Variants in TBC1D7 observed in about 807,000 individuals in gnomAD.
TBC1D7 encodes TBC domain family 7.
TBC1D7 carries 33 observed loss-of-function variants against 35.3 expected under a neutral mutation model. The observed-to-expected ratio is 0.93, with a 90% CI of 0.71 to 1.25. The LOEUF is 1.25. Ranked by LOEUF, TBC1D7 falls within the 50% of genes most tolerant of loss-of-function variation. The pLI, the probability that TBC1D7 is intolerant of heterozygous loss-of-function variation, is 0.00. For missense variants in TBC1D7, 362 were observed against 365.3 expected (o/e 0.99, Z 0.07); for synonymous variants, 135 against 129.5 (o/e 1.04, Z -0.29).
intron 4 of TBC1D7, among the ~76,000 whole-genome samples, chr6:13,317,168 A>G (rs1459880957): frequency 6.6e-6 from 1 of 152,230 alleles, no homozygotes; most frequent in Non-Finnish European, 1.5e-5. Flanking sequence ...TTTATTTCAA[A>G]GCATTCACGC....
intron 3 of TBC1D7, among the ~76,000 whole-genome samples, chr6:13,324,364 G>A (rs1784268231): frequency 6.6e-6 from 1 of 152,102 alleles, no homozygotes; most frequent in South Asian, 2.1e-4. Context: ...TCCTGACTGC[G>A]TGATCTGCCC....
intron 4 of TBC1D7, among the ~76,000 whole-genome samples, chr6:13,317,857 G>C (rs1465676370): frequency 6.6e-6 from 1 of 152,234 alleles, no homozygotes; most frequent in Non-Finnish European, 1.5e-5. Context: ...GGCAGAGTGG[G>C]CGCTAAGTAG....
At chr6:13,326,148 G>A (rs1784389813) in intron 2 of TBC1D7, among the ~76,000 whole-genome samples, 1 of 152,146 alleles carries the variant, frequency 6.6e-6, no homozygotes, top group Admixed American at 6.5e-5. Context: ...AATATACAAT[G>A]CACTCTTAGT....
In TBC1D7 at chr6:13,306,410, C is replaced by CT. The variant is rs762613362; in HGVS notation, c.782dup (p.Phe262ValfsTer19). On this transcript the variant is annotated frameshift_variant, in exon 7 of 8. Coordinates refer to ENST00000379300, the MANE Select transcript of TBC1D7 (RefSeq NM_016495.6). LOFTEE classifies it high-confidence loss of function. ...AAAGCACACTTACATTTTCCAGAAACTTTGTTATCTTCTCTGCACTGTTCA... is the reference window on the plus strand; with the variant it reads ...AAAGCACACTTACATTTTCCAGAAACTTTTGTTATCTTCTCTGCACTGTTCA... 2 of 1,582,064 alleles carry CT rather than the reference C, an allele frequency of 1.3e-6. No homozygotes were observed. Among genetic ancestry groups the CT allele is most frequent in the East Asian group, 2.3e-5 (1 of 42,978 alleles).
At position 13,307,733 on chromosome 6, in the gene TBC1D7, C is replaced by T. The variant is rs1782907743; in HGVS notation, c.532G>A (p.Glu178Lys). 1 of 1,613,564 alleles carries T rather than the reference C, an allele frequency of 6.2e-7. No homozygotes were observed. The highest frequency in any genetic ancestry group is 8.5e-7 in the Non-Finnish European group (1 of 1,179,784). Residue 178 changes from glutamate to lysine, a missense_variant, in exon 6 of 8, where the codon GAA becomes AAA. Coordinates refer to ENST00000379300, the MANE Select transcript of TBC1D7 (RefSeq NM_016495.6). ...CCATCTTCCAGATTCAAGTATTGTTCAAACGCTTTTGGCTAAAGATTAAGC... is the reference window on the plus strand; with the variant it reads ...CCATCTTCCAGATTCAAGTATTGTTTAAACGCTTTTGGCTAAAGATTAAGC... Reference protein sequence around the residue: ...DSLPQLPKAFEQYLNLEDGRL... With the variant: ...DSLPQLPKAFKQYLNLEDGRL...
chr6:13,317,283 A>C (rs1242498980), intron 4 of TBC1D7, among the ~76,000 whole-genome samples: 1 of 152,238 alleles, frequency 6.6e-6, no homozygotes, highest in East Asian at 1.9e-4. Flanking sequence ...ACCTTGTGTC[A>C]ATACTCAGAA....
chr6:13,316,910 C>T (rs1783673008), intron 4 of TBC1D7, among the ~76,000 whole-genome samples: 1 of 152,192 alleles, frequency 6.6e-6, no homozygotes, highest in Admixed American at 6.5e-5. Flanking sequence ...GTCAGTGCTG[C>T]TTATGAATGA....
chr6:13,318,415 A>G (rs1783792838), intron 4 of TBC1D7, among the ~76,000 whole-genome samples: 1 of 152,160 alleles, frequency 6.6e-6, no homozygotes, highest in Non-Finnish European at 1.5e-5. Context: ...GGCGGAACCT[A>G]TACCCTGTCA....
intron 5 of TBC1D7, among the ~76,000 whole-genome samples, chr6:13,308,004 T>C (rs991834211): frequency 6.6e-6 from 1 of 151,964 alleles, no homozygotes; most frequent in African/African-American, 2.4e-5. Context: ...CCAGGCAAAA[T>C]GGAATGGTTG....
At chr6:13,326,764 G>GATTAATTTTTAAAAGTACTTTTTAAA (rs747628914) in intron 2 of TBC1D7, 23 bp downstream of exon 2, 1 of 1,452,768 alleles carries the variant, frequency 6.9e-7, no homozygotes, top group Non-Finnish European at 9.6e-7. Context: ...GAACCAATGA[G>GATTAATTTTTAAAAGTACTTTTTAAA]ATTAATTTTT....
intron 7 of TBC1D7, chr6:13,306,101 G>A (rs188154368): frequency 8.5e-4 from 189 of 221,836 alleles, no homozygotes; most frequent in Middle Eastern, 3.2e-3. Context: ...AGGGAAAAGT[G>A]TTTCTTATAA....
At chr6:13,324,885 G>A (rs1306515933) in intron 3 of TBC1D7, among the ~76,000 whole-genome samples, 1 of 152,166 alleles carries the variant, frequency 6.6e-6, no homozygotes, top group East Asian at 1.9e-4. Context: ...GCTCTTCCCA[G>A]ATCTTGTCTC....
chr6:13,325,531 C>T (rs534498380), intron 2 of TBC1D7, among the ~76,000 whole-genome samples: 1 of 152,296 alleles, frequency 6.6e-6, no homozygotes, highest in African/African-American at 2.4e-5. Flanking sequence ...GGTATGGTGG[C>T]ACACACCTGT....
intron 5 of TBC1D7, among the ~76,000 whole-genome samples, chr6:13,309,481 A>T (rs141249875): frequency 2.6e-5 from 4 of 152,378 alleles, no homozygotes; most frequent in African/African-American, 9.6e-5. Context: ...GTGAATTAAT[A>T]TAAAGTTTTA....
At chr6:13,307,181 T>C (rs1782866492) in intron 6 of TBC1D7, 1 of 175,460 alleles carries the variant, frequency 5.7e-6, no homozygotes, top group African/African-American at 2.4e-5. Flanking sequence ...TCTTAATGGG[T>C]GGCACCTGGA....
intron 4 of TBC1D7, chr6:13,320,656 G>A (rs1162259532): frequency 1.6e-6 from 1 of 632,910 alleles, no homozygotes; most frequent in East Asian, 2.7e-5. Context: ...GCAAATTCTT[G>A]GTAGTATTCT....
rs1782906633 is a variant in TBC1D7 at position 13,307,721 on chromosome 6, T to C, written c.544A>G (p.Asn182Asp). The C allele has an allele frequency of 6.2e-7, 1 of 1,614,090 alleles. No individual in the cohort carries two copies. The highest frequency in any genetic ancestry group is 2.2e-5 in the East Asian group (1 of 44,888). Reference sequence around the variant, plus strand: ...GTCAGCAGTCTGCCATCTTCCAGATTCAAGTATTGTTCAAACGCTTTTGGC... The same window carrying C: ...GTCAGCAGTCTGCCATCTTCCAGATCCAAGTATTGTTCAAACGCTTTTGGC... ...QLPKAFEQYL[N>D]LEDGRLLTHL... Residue 182 changes from asparagine (N) to aspartate (D), a missense_variant, in exon 6 of 8, where the codon AAT (asparagine) becomes GAT (aspartate). By Grantham distance (23) the Asn-to-Asp change is conservative (BLOSUM62 1). Coordinates refer to ENST00000379300, the MANE Select transcript of TBC1D7 (RefSeq NM_016495.6).
intron 5 of TBC1D7, among the ~76,000 whole-genome samples, chr6:13,315,063 C>T (rs2127531919): frequency 6.6e-6 from 1 of 152,236 alleles, no homozygotes; most frequent in Middle Eastern, 3.4e-3. Context: ...TAGGAGATCA[C>T]ACAGCTTTTT....
At chr6:13,320,798 ACAACAGGGAG>A in intron 4 of TBC1D7, 100 bp downstream of exon 4, 1 of 984,730 alleles carries the variant, frequency 1.0e-6, no homozygotes, top group African/African-American at 1.6e-5. Flanking sequence ...TATTCTAATA[ACAACAGGGAG>A]CCACCAAAAG....
Sources: allele counts gnomAD v4.1 joint callset (sites outside exome capture counted in the v4.1 genomes callset), GRCh38; gene constraint gnomAD v4.1.1; transcripts MANE v1.5; gene names NCBI Gene and HGNC (gene_info 2026-07-23, HGNC 2026-07-21).